GPAM: variants seen among roughly 807,000 people sequenced by gnomAD.
GPAM encodes the protein glycerol-3-phosphate acyltransferase, mitochondrial, also known as glycerol-3-phosphate acyltransferase 1, mitochondrial.
Under a neutral mutation model 105.0 loss-of-function variants are expected in GPAM, and 56 were observed. The ratio of observed to expected loss-of-function variants is 0.53; its 90% CI spans 0.43 to 0.67. GPAM has a LOEUF of 0.67. GPAM is among the 30% of genes least tolerant of loss of function. GPAM has a pLI of 0.00. For synonymous variants in GPAM, 368 were observed against 354.4 expected (o/e 1.04, Z -0.43); for missense variants, 855 against 989.8 (o/e 0.86, Z 1.83).
chr10:112,204,743 T>G (rs946580075), intron 1 of GPAM, among the ~76,000 whole-genome samples: 3 of 151,368 alleles, frequency 2.0e-5, no homozygotes, highest in Admixed American at 6.6e-5. Context: ...AGCATTCCCT[T>G]TGAAAACTGG....
At position 112,151,298 on chromosome 10, in the gene GPAM, G is replaced by A. The variant is rs1846913891; in HGVS notation, c.*2252C>T. ...TCTTTTAGCAAAACGGTGCTATCTG[G>A]AAGCTTCATTGTGAAGATGCTTTCG... On this transcript the variant is annotated 3_prime_UTR_variant, in exon 22 of 22. Transcript: ENST00000348367. 1 of 985,374 alleles carries A rather than the reference G, an allele frequency of 1.0e-6. No homozygotes were observed. The highest frequency in any genetic ancestry group is 1.7e-5 in the African/African-American group (1 of 57,198). The allele number at this position is 985,374 out of a possible 1,614,324, so 61.0% of individuals were successfully genotyped here.
chr10:112,220,975 A>C, the GPAM span, among the ~76,000 whole-genome samples: 1 of 152,122 alleles, frequency 6.6e-6, no homozygotes, highest in African/African-American at 2.4e-5. Flanking sequence ...GACGTGATTA[A>C]TGAGAAGTAG....
At chr10:112,188,595 T>C (rs1847621413), upstream of GPAM, among the ~76,000 whole-genome samples, 1 of 152,208 alleles carries the variant, frequency 6.6e-6, no homozygotes, top group Admixed American at 6.5e-5. Context: ...TGAATTGTGA[T>C]ACCTAAGCCA....
intron 16 of GPAM, 97 bp from the exon 17 acceptor site, chr10:112,160,150 A>G (rs901931177): frequency 4.4e-5 from 52 of 1,192,584 alleles, no homozygotes; most frequent in Non-Finnish European, 5.8e-5. Flanking sequence ...TAATACATCA[A>G]AAATAATGGC....
intron 12 of GPAM, among the ~76,000 whole-genome samples, chr10:112,165,198 T>C (rs1847192455): frequency 6.6e-6 from 1 of 152,132 alleles, no homozygotes; most frequent in Non-Finnish European, 1.5e-5. Context: ...CTGCTCCTTA[T>C]CCCTGGGCTC....
At chr10:112,160,328 G>C in intron 16 of GPAM, 3 of 928,050 alleles carry the variant, frequency 3.2e-6, no homozygotes, top group Non-Finnish European at 3.9e-6. Flanking sequence ...GCTGCTCTGT[G>C]TATGTCTCAT....
chr10:112,209,023 G>A (rs1054848218), intron 1 of GPAM, among the ~76,000 whole-genome samples: 3 of 152,238 alleles, frequency 2.0e-5, no homozygotes, highest in Admixed American at 2.0e-4. Flanking sequence ...TTCAGGGCAA[G>A]GACAGGGATT....
At position 112,190,856 on chromosome 10, in the gene GPAM, C is replaced by CA. The variant is rs1227648137; in HGVS notation, n.211-7966dup. ...GAAGGCAGAATCTTCCAAAATGCTA[C>CA]ACCAAGAAAAGTGGGCCCACACGAC... On this transcript the variant is annotated intron_variant and non_coding_transcript_variant, in intron 1 of 3. Coordinates refer to the GPAM transcript ENST00000480130. Among the ~76,000 whole-genome samples, 11 of 152,214 alleles carry CA rather than the reference C, an allele frequency of 7.2e-5. No individual in the cohort carries two copies. In the South Asian group the frequency reaches 2.1e-3, roughly 29 times the overall value.
chr10:112,157,878 C>T (rs1847045630), intron 18 of GPAM, among the ~76,000 whole-genome samples: 1 of 152,168 alleles, frequency 6.6e-6, no homozygotes, highest in Admixed American at 6.5e-5. Context: ...CACTTATTCT[C>T]CCCATTCTTA....
chr10:112,198,826 G>T (rs189445626), intron 1 of GPAM, among the ~76,000 whole-genome samples: 1 of 152,020 alleles, frequency 6.6e-6, no homozygotes, highest in East Asian at 1.9e-4. Flanking sequence ...TATACACAAC[G>T]GACTACTCTT....
rs1847266675 is a variant in GPAM at position 112,168,937 on chromosome 10, C to T, written c.810G>A (p.Lys270=). The change falls in exon 10 of 22, where the codon AAG becomes AAA. Residue 270 remains lysine, a synonymous_variant. Transcript: ENST00000348367. The part of the protein sequence containing the change: ...NIPIFSTLIH[K]LGGFFIRRRL... Reference sequence around the variant, plus strand: ...TTCGTCGTATGAAGAAGCCCCCAAGCTTATGGATCAAGGTACTATAAATTC... The same window carrying T: ...TTCGTCGTATGAAGAAGCCCCCAAGTTTATGGATCAAGGTACTATAAATTC... 6.3e-7 allele frequency: 1 copy of T among 1,599,266 alleles called. No individual in the cohort carries two copies. Among genetic ancestry groups the T allele is most frequent in the Non-Finnish European group, 8.6e-7 (1 of 1,166,588 alleles).
At chr10:112,221,139 A>AT in the GPAM span, among the ~76,000 whole-genome samples, 1 of 151,946 alleles carries the variant, frequency 6.6e-6, no homozygotes, top group Non-Finnish European at 1.5e-5. Flanking sequence ...TGAAATCTCC[A>AT]TTTTTTTTAA....
At chr10:112,218,440 C>A (rs1250905425), upstream of GPAM, among the ~76,000 whole-genome samples, 5 of 151,954 alleles carry the variant, frequency 3.3e-5, no homozygotes, top group Non-Finnish European at 7.4e-5. Context: ...CTTGAGGTCA[C>A]CAGATAAACA....
the GPAM span, among the ~76,000 whole-genome samples, chr10:112,221,183 C>G: frequency 1.3e-5 from 2 of 152,126 alleles, no homozygotes; most frequent in South Asian, 2.1e-4. Flanking sequence ...AAATACTGTA[C>G]AAGCCAGAAA....
chr10:112,204,196 C>T (rs1847832868), intron 1 of GPAM, among the ~76,000 whole-genome samples: 2 of 151,890 alleles, frequency 1.3e-5, no homozygotes, highest in South Asian at 4.1e-4. Flanking sequence ...TGCTCAAGCA[C>T]ACAGATAGAA....
upstream of GPAM, among the ~76,000 whole-genome samples, chr10:112,185,591 C>G (rs1414744480): frequency 2.4e-4 from 34 of 139,330 alleles, no homozygotes; most frequent in African/African-American, 9.0e-4. Flanking sequence ...CACACACACA[C>G]ACACACACAC....
intron 19 of GPAM, 95 bp downstream of exon 19, chr10:112,157,154 G>C: frequency 2.8e-6 from 3 of 1,090,690 alleles, no homozygotes; most frequent in Non-Finnish European, 4.3e-6. Context: ...GGATTCTTTA[G>C]ATAAGAAGAC....
chr10:112,150,015 C>T lies in GPAM; in HGVS notation c.*3535G>A, dbSNP rs551878420. The stretch of plus-strand genomic sequence containing the variant: ...CAGTACCTTATAGTAATTCTTTTCA[C>T]GAGTCTTAACATTTCTTTGTACAAC... On this transcript the variant is annotated 3_prime_UTR_variant, in exon 22 of 22. Coordinates refer to ENST00000348367, the MANE Select transcript of GPAM (RefSeq NM_001244949.2). The T allele has an allele frequency of 8.1e-6, 8 of 984,184 alleles. No individual in the cohort carries two copies. The highest frequency in any genetic ancestry group is 9.7e-6 in the Non-Finnish European group (8 of 828,538). The allele number at this position is 984,184 out of a possible 1,614,324, so 61.0% of individuals were successfully genotyped here. A position where few individuals can be genotyped will look rare whatever the true frequency, so the allele number is the denominator to read the frequency against.
At chr10:112,154,185 T>A (rs1354745654) in intron 21 of GPAM, 1 of 199,406 alleles carries the variant, frequency 5.0e-6, no homozygotes. Flanking sequence ...ATTTTGAACA[T>A]CAATATGATG....
Sources: gnomAD v4.1 joint callset for allele counts (sites outside exome capture counted in the v4.1 genomes callset) on GRCh38, gnomAD v4.1.1 for gene constraint, MANE v1.5 for transcripts, NCBI Gene and HGNC (gene_info 2026-07-23, HGNC 2026-07-21) for gene names.